The following CDH10 variants were observed in gnomAD, a reference collection of about 807,000 sequenced individuals.
CDH10 encodes the protein cadherin-10.
Under a neutral mutation model 73.1 loss-of-function variants are expected in CDH10, and 30 were observed. That is an observed-to-expected ratio of 0.41 (90% confidence interval 0.31 to 0.56). The LOEUF is 0.56. CDH10 is among the 20% of genes least tolerant of loss of function. CDH10 has a pLI of 0.27. For synonymous variants in CDH10, 345 were observed against 348.2 expected, an observed-to-expected ratio of 0.99 and a Z score of 0.10; for missense variants, 815 against 973.7, an observed-to-expected ratio of 0.84 and a Z score of 2.17.
chr5:24,615,244 T>C (rs1449979918), intron 1 of CDH10, among the ~76,000 whole-genome samples: 4 of 152,222 alleles, frequency 2.6e-5, no homozygotes, highest in Admixed American at 6.5e-5. Context: ...TCCTTTTGCA[T>C]GGAAATCTCT....
chr5:24,586,843 C>CTTT (rs1001227038), intron 2 of CDH10, among the ~76,000 whole-genome samples: 3,617 of 102,636 alleles, frequency 0.035, 414 homozygotes, highest in East Asian at 0.069. Flanking sequence ...AGCCCATATT[C>CTTT]TTTTTTTTTT....
chr5:24,532,154 A>T (rs180804686), intron 5 of CDH10, among the ~76,000 whole-genome samples: 3 of 152,210 alleles, frequency 2.0e-5, no homozygotes, highest in Non-Finnish European at 4.4e-5. Flanking sequence ...GTCTCCTCCA[A>T]ATGACTGAGA....
At position 24,488,098 on chromosome 5, in the gene CDH10, G is replaced by T. The variant is rs1449122981; in HGVS notation, c.1932C>A (p.Ile644=). 1 of 1,612,384 alleles carries T rather than the reference G, an allele frequency of 6.2e-7. No homozygotes were observed. The highest frequency in any genetic ancestry group is 1.7e-5 in the Admixed American group (1 of 59,738). ...TGTCTCTGATATCTTCTTTTGACAAGATCAGAGGCTCTTTTTTTCGCTGTC... is the reference window on the plus strand; with the variant it reads ...TGTCTCTGATATCTTCTTTTGACAATATCAGAGGCTCTTTTTTTCGCTGTC... ...LKRQRKKEPL[I]LSKEDIRDNI... Residue 644 remains isoleucine, a synonymous_variant, in exon 12 of 12, where the codon ATC becomes ATA. Transcript: ENST00000264463.
chr5:24,567,220 C>A (rs112294817), intron 2 of CDH10, among the ~76,000 whole-genome samples: 2,199 of 152,032 alleles, frequency 0.014, 57 homozygotes, highest in African/African-American at 0.05. Context: ...AGGACACTGA[C>A]TAATAGGAAT....
intron 1 of CDH10, among the ~76,000 whole-genome samples, chr5:24,624,833 G>T (rs1434551703): frequency 3.9e-5 from 6 of 152,062 alleles, no homozygotes; most frequent in African/African-American, 1.4e-4. Flanking sequence ...CTCACACAAA[G>T]AACTGTATTA....
At chr5:24,555,636 T>C (rs1744738611) in intron 2 of CDH10, among the ~76,000 whole-genome samples, 1 of 152,126 alleles carries the variant, frequency 6.6e-6, no homozygotes. Context: ...AACCTGTAGC[T>C]TAATCTATTT....
intron 1 of CDH10, among the ~76,000 whole-genome samples, chr5:24,616,638 C>T (rs1028984928): frequency 4.6e-5 from 7 of 151,856 alleles, no homozygotes; most frequent in Non-Finnish European, 1.0e-4. Context: ...TCTGTGAGTA[C>T]TTGGACATGA....
At chr5:24,609,082 TA>T (rs1234876869) in intron 1 of CDH10, among the ~76,000 whole-genome samples, 2 of 152,232 alleles carry the variant, frequency 1.3e-5, no homozygotes, top group Non-Finnish European at 2.9e-5. Context: ...TGAAAATCAC[TA>T]ATTGTTGAAT....
intron 1 of CDH10, among the ~76,000 whole-genome samples, chr5:24,631,651 A>T (rs1334012054): frequency 6.6e-6 from 1 of 151,894 alleles, no homozygotes; most frequent in African/African-American, 2.4e-5. Flanking sequence ...CTGAAACTCC[A>T]ATCATATCGC....
At chr5:24,521,229 G>A (rs6452214) in intron 5 of CDH10, among the ~76,000 whole-genome samples, 73,294 of 151,700 alleles carry the variant, frequency 0.48, 17,759 homozygotes, top group East Asian at 0.58. Flanking sequence ...CCACATACAA[G>A]CTCACGCTAA....
intron 2 of CDH10, among the ~76,000 whole-genome samples, chr5:24,573,432 T>C (rs111740948): frequency 0.072 from 11,012 of 152,062 alleles, 747 homozygotes; most frequent in East Asian, 0.16. Context: ...CCGGGCGCGG[T>C]GGCTCACGTC....
At chr5:24,530,393 C>T (rs1009186246) in intron 5 of CDH10, among the ~76,000 whole-genome samples, 1 of 151,850 alleles carries the variant, frequency 6.6e-6, no homozygotes, top group African/African-American at 2.4e-5. Flanking sequence ...GTAATGTAAT[C>T]TTTTCATAGA....
chr5:24,498,993 G>A lies in CDH10; in HGVS notation c.1394-474C>T, dbSNP rs914532309. Among the ~76,000 whole-genome samples, 4 of 152,198 alleles carry A rather than the reference G, an allele frequency of 2.6e-5. No homozygotes were observed. In the East Asian group the frequency reaches 5.8e-4, roughly 22 times the overall value. On this transcript the variant is annotated intron_variant, in intron 8 of 11. Transcript: ENST00000264463. ...CAAAAGAACAAAGCTTCCACAGCGT[G>A]GAAGGGGACCTGAGCGGGTTGCCCG... is the stretch of plus-strand genomic sequence containing the variant.
At chr5:24,592,933 T>C (rs1746248944) in intron 2 of CDH10, among the ~76,000 whole-genome samples, 2 of 151,680 alleles carry the variant, frequency 1.3e-5, no homozygotes, top group Admixed American at 1.3e-4. Flanking sequence ...CACATATGTA[T>C]TTTCATTTAA....
intron 2 of CDH10, among the ~76,000 whole-genome samples, chr5:24,554,509 T>C (rs867073104): frequency 1.3e-4 from 5 of 38,986 alleles, no homozygotes; most frequent in South Asian, 9.1e-4. Flanking sequence ...TGTGTGTGTG[T>C]GTGTGTGTGT....
At chr5:24,597,265 G>A (rs1746400415) in intron 1 of CDH10, among the ~76,000 whole-genome samples, 1 of 151,984 alleles carries the variant, frequency 6.6e-6, no homozygotes, top group African/African-American at 2.4e-5. Flanking sequence ...TCATTCAGTG[G>A]GTCTGGTGTG....
intron 2 of CDH10, among the ~76,000 whole-genome samples, chr5:24,545,582 AG>A (rs1744309194): frequency 6.6e-6 from 1 of 152,064 alleles, no homozygotes; most frequent in Non-Finnish European, 1.5e-5. Flanking sequence ...TGGGAAACCA[AG>A]GCAGAAGGAT....
At chr5:24,633,673 C>A (rs1747776198) in intron 1 of CDH10, among the ~76,000 whole-genome samples, 1 of 151,800 alleles carries the variant, frequency 6.6e-6, no homozygotes, top group African/African-American at 2.4e-5. Context: ...AAAATGATAT[C>A]TTGCCTCAAA....
At chr5:24,643,352 T>G (rs1001738174) in intron 1 of CDH10, among the ~76,000 whole-genome samples, 1 of 151,970 alleles carries the variant, frequency 6.6e-6, no homozygotes, top group Non-Finnish European at 1.5e-5. Context: ...ATACCAGACC[T>G]AAAAAATGAG....
Sources: gnomAD v4.1 joint callset for allele counts (sites outside exome capture counted in the v4.1 genomes callset) on GRCh38, gnomAD v4.1.1 for gene constraint, MANE v1.5 for transcripts, NCBI Gene and HGNC (gene_info 2026-07-23, HGNC 2026-07-21) for gene names.